EML4: variants seen among roughly 807,000 people sequenced by gnomAD.
EML4 encodes the protein echinoderm microtubule-associated protein-like 4.
Under a neutral mutation model 129.0 loss-of-function variants are expected in EML4, and 72 were observed. The ratio of observed to expected loss-of-function variants is 0.56; its 90% CI spans 0.46 to 0.68. The LOEUF (loss-of-function observed/expected upper bound fraction) is 0.68. Among genes scored for constraint, EML4 ranks in the 30% least tolerant of loss-of-function variants. The probability of loss-of-function intolerance (pLI) is 0.00; values close to 1 mark genes in which losing one functional copy is unlikely to be tolerated. For synonymous variants in EML4, 532 were observed against 405.0 expected, an observed-to-expected ratio of 1.31 and a Z score of -3.77; for missense variants, 1,363 against 1,190.6, an observed-to-expected ratio of 1.14 and a Z score of -2.13.
At chr2:42,249,548 A>G (rs1467275498) in intron 2 of EML4, among the ~76,000 whole-genome samples, 1 of 152,208 alleles carries the variant, frequency 6.6e-6, no homozygotes, top group Non-Finnish European at 1.5e-5. Flanking sequence ...GGAAGGACAT[A>G]AGTTGTCATC....
At chr2:42,194,347 CTT>C (rs34026132) in intron 1 of EML4, among the ~76,000 whole-genome samples, 10 of 126,774 alleles carry the variant, frequency 7.9e-5, no homozygotes, top group Non-Finnish European at 9.8e-5. Context: ...CTCTCTCTCT[CTT>C]TTTTTTTTTT....
chr2:42,280,944 G>C lies in EML4; in HGVS notation c.762G>C (p.Leu254=), dbSNP rs201301731. Residue 254 remains leucine (L), a synonymous_variant, in exon 7 of 23, where the codon CTG becomes CTC. Coordinates refer to ENST00000318522, the MANE Select transcript of EML4 (RefSeq NM_019063.5). ...VDNYDDIRTE[L]PPEKLKLEWA... ...ACTATGATGACATCAGAACGGAACTGCCTCCTGAGAAGCTCAAACTGGAGT... is the reference window on the plus strand; with the variant it reads ...ACTATGATGACATCAGAACGGAACTCCCTCCTGAGAAGCTCAAACTGGAGT... 7.5e-6 allele frequency: 12 copies of C among 1,609,548 alleles called. No homozygotes were observed. In the East Asian group the frequency reaches 8.9e-5, roughly 12 times the overall value.
intron 2 of EML4, among the ~76,000 whole-genome samples, chr2:42,249,279 C>T (rs929674207): frequency 2.0e-5 from 2 of 101,046 alleles, no homozygotes; most frequent in African/African-American, 4.3e-5. Context: ...ATACTATAGA[C>T]AGTTTTATGT....
chr2:42,249,895 A>G (rs1675652291), intron 2 of EML4, among the ~76,000 whole-genome samples: 1 of 152,154 alleles, frequency 6.6e-6, no homozygotes, highest in African/African-American at 2.4e-5. Context: ...TTCATAATAT[A>G]TGCACCAGTT....
At chr2:42,314,455 C>G (rs1669125543) in intron 17 of EML4, among the ~76,000 whole-genome samples, 1 of 152,260 alleles carries the variant, frequency 6.6e-6, no homozygotes, top group African/African-American at 2.4e-5. Flanking sequence ...GGCAGCTAAC[C>G]TAATTCTGTC....
intron 1 of EML4, among the ~76,000 whole-genome samples, chr2:42,180,105 T>C (rs547614105): frequency 5.9e-5 from 9 of 152,182 alleles, no homozygotes; most frequent in Non-Finnish European, 8.8e-5. Context: ...AAATGAAAAG[T>C]TTAAAAAAAT....
At chr2:42,279,457 C>T (rs1666878280) in intron 6 of EML4, among the ~76,000 whole-genome samples, 1 of 151,378 alleles carries the variant, frequency 6.6e-6, no homozygotes, top group Non-Finnish European at 1.5e-5. Context: ...TCAACACTTG[C>T]CGTCTTTTTT....
At chr2:42,273,835 T>C (rs1203901757) in intron 6 of EML4, among the ~76,000 whole-genome samples, 1 of 152,192 alleles carries the variant, frequency 6.6e-6, no homozygotes, top group Non-Finnish European at 1.5e-5. Context: ...TTTTATGATT[T>C]AACTATTTTT....
At chr2:42,242,983 G>T (rs546378205) in intron 1 of EML4, among the ~76,000 whole-genome samples, 98 of 152,088 alleles carry the variant, frequency 6.4e-4, no homozygotes, top group African/African-American at 2.3e-3. Flanking sequence ...TCACTACGTT[G>T]CCCAGGCTGG....
In EML4 at chr2:42,261,118, C is replaced by T; in HGVS notation, c.339-3C>T. The T allele has an allele frequency of 6.3e-7, 1 of 1,591,994 alleles. No homozygotes were observed. Among genetic ancestry groups the T allele is most frequent in the South Asian group, 1.1e-5 (1 of 89,864 alleles). On this transcript the variant is annotated splice_polypyrimidine_tract_variant and splice_region_variant and intron_variant, in intron 3 of 22. Transcript: ENST00000318522. ...TTGTTCCATGTTATACTTTATTTTA[C>T]AGTGGTACAGAAAAAAAGAAAGAAA...
chr2:42,196,525 C>G (rs1032673900), intron 1 of EML4, among the ~76,000 whole-genome samples: 10 of 152,274 alleles, frequency 6.6e-5, no homozygotes, highest in South Asian at 6.2e-4. Flanking sequence ...ACCAACAAAT[C>G]TAGACTGTGA....
intron 1 of EML4, among the ~76,000 whole-genome samples, chr2:42,227,874 A>C (rs927988778): frequency 2.0e-5 from 3 of 152,202 alleles, no homozygotes; most frequent in African/African-American, 7.2e-5. Flanking sequence ...TGTTATCAGT[A>C]AGGCTTCCGG....
At chr2:42,244,148 G>A (rs1473120310) in intron 1 of EML4, among the ~76,000 whole-genome samples, 2 of 145,968 alleles carry the variant, frequency 1.4e-5, no homozygotes, top group Non-Finnish European at 3.0e-5. Context: ...TGCCAGGCTG[G>A]AGTGCAGTGG....
At chr2:42,187,140 C>T (rs776302684) in intron 1 of EML4, among the ~76,000 whole-genome samples, 3 of 151,668 alleles carry the variant, frequency 2.0e-5, no homozygotes, top group Non-Finnish European at 2.9e-5. Flanking sequence ...AATTCCTGGG[C>T]TCAAGTAATC....
intron 1 of EML4, among the ~76,000 whole-genome samples, chr2:42,194,071 G>A (rs557015710): frequency 1.3e-5 from 2 of 152,166 alleles, no homozygotes; most frequent in East Asian, 3.9e-4. Context: ...GGTAATTCAT[G>A]TTTGCTCATT....
At chr2:42,261,848 G>A (rs572100624) in intron 4 of EML4, among the ~76,000 whole-genome samples, 1 of 152,228 alleles carries the variant, frequency 6.6e-6, no homozygotes, top group South Asian at 2.1e-4. Context: ...TTGCTTGAGG[G>A]CTTCTGTGTC....
rs1453085130 is a variant in EML4, at chr2:42,326,134, T to A, written c.2243-20T>A. ...TGTACACAAGCACTATGATTATACT[T>A]CCTGTTTCTAAATTTAAAGGGGACA... On this transcript the variant is annotated intron_variant, in intron 20 of 22. Coordinates refer to ENST00000318522, the MANE Select transcript of EML4 (RefSeq NM_019063.5). 3.1e-6 allele frequency: 5 copies of A among 1,611,314 alleles called. No homozygotes were observed. In the East Asian group the frequency reaches 6.7e-5, roughly 22 times the overall value.
At chr2:42,269,104 G>A (rs1485646591) in intron 6 of EML4, among the ~76,000 whole-genome samples, 1 of 152,180 alleles carries the variant, frequency 6.6e-6, no homozygotes, top group Non-Finnish European at 1.5e-5. Context: ...TGGAAGGACA[G>A]TTATAATATC....
chr2:42,239,747 C>T (rs1296645191), intron 1 of EML4, among the ~76,000 whole-genome samples: 1 of 148,376 alleles, frequency 6.7e-6, no homozygotes, highest in South Asian at 2.1e-4. Flanking sequence ...TTAGCTTATA[C>T]TCCTACTCTA....
Sources: gnomAD v4.1 joint callset for allele counts (sites outside exome capture counted in the v4.1 genomes callset) on GRCh38, gnomAD v4.1.1 for gene constraint, MANE v1.5 for transcripts, NCBI Gene and HGNC (gene_info 2026-07-23, HGNC 2026-07-21) for gene names.